The following DYM variants were observed in gnomAD, a reference collection of about 807,000 sequenced individuals.
DYM encodes dyggve-Melchior-Clausen syndrome protein.
A neutral mutation model predicts 93.1 loss-of-function variants in DYM; 78 were observed. That is an observed-to-expected ratio of 0.84 (90% CI 0.70 to 1.01). DYM has a LOEUF of 1.01. DYM is among the 50% of genes least tolerant of loss of function. The probability of loss-of-function intolerance (pLI) is 0.00; values close to 1 mark genes in which losing one functional copy is unlikely to be tolerated. For synonymous variants in DYM, 321 were observed against 319.7 expected, an observed-to-expected ratio of 1.00 and a Z score of -0.04; for missense variants, 789 against 845.0, an observed-to-expected ratio of 0.93 and a Z score of 0.82.
chr18:49,322,074 A>C (rs544676250), intron 8 of DYM, among the ~76,000 whole-genome samples: 100 of 152,286 alleles, frequency 6.6e-4, no homozygotes, highest in Admixed American at 2.1e-3. Context: ...GCTTTCTCAA[A>C]AACAGAAATT....
intron 6 of DYM, among the ~76,000 whole-genome samples, chr18:49,344,042 C>A (rs1481192371): frequency 6.6e-6 from 1 of 151,692 alleles, no homozygotes; most frequent in Admixed American, 6.6e-5. Flanking sequence ...TCATTTGAAA[C>A]AAGACTTACT....
chr18:49,106,832 C>A (rs2080866532), intron 16 of DYM, among the ~76,000 whole-genome samples: 1 of 152,198 alleles, frequency 6.6e-6, no homozygotes, highest in African/African-American at 2.4e-5. Context: ...TCTGGCTGCC[C>A]TTAACATTTT....
intron 5 of DYM, 130 bp downstream of exon 5, chr18:49,378,437 G>T: frequency 1.1e-6 from 1 of 886,382 alleles, no homozygotes; most frequent in Non-Finnish European, 1.7e-6. Flanking sequence ...AAAAATGACA[G>T]TATAAGTTCA....
chr18:49,337,843 G>A (rs867906369), intron 6 of DYM, among the ~76,000 whole-genome samples: 14 of 152,104 alleles, frequency 9.2e-5, no homozygotes, highest in Admixed American at 6.6e-5. Flanking sequence ...TTGAGCAGAC[G>A]AAGAACAAGA....
chr18:49,458,525 A>G (rs528396466), intron 1 of DYM, among the ~76,000 whole-genome samples: 2 of 152,244 alleles, frequency 1.3e-5, no homozygotes, highest in Admixed American at 1.3e-4. Flanking sequence ...TATGTGTGAT[A>G]ATGGTATTCT....
At chr18:49,172,357 C>G (rs2088854785) in intron 14 of DYM, among the ~76,000 whole-genome samples, 3 of 152,182 alleles carry the variant, frequency 2.0e-5, no homozygotes, top group African/African-American at 7.2e-5. Flanking sequence ...TGAATACATA[C>G]CTATGAGTAA....
chr18:49,333,666 C>T, intron 7 of DYM, 62 bp downstream of exon 7: 5 of 1,550,458 alleles, frequency 3.2e-6, no homozygotes, highest in Non-Finnish European at 4.4e-6. Context: ...GGTAAAAGGA[C>T]AAGACTAGAA....
At chr18:49,276,682 T>A (rs978839452) in intron 10 of DYM, among the ~76,000 whole-genome samples, 5 of 152,120 alleles carry the variant, frequency 3.3e-5, no homozygotes, top group Non-Finnish European at 5.9e-5. Context: ...AAATGGAAGC[T>A]GTGGCAAAAT....
intron 8 of DYM, among the ~76,000 whole-genome samples, chr18:49,302,880 AG>A (rs1247770644): frequency 6.6e-6 from 1 of 152,218 alleles, no homozygotes; most frequent in Admixed American, 6.5e-5. Context: ...CCATAAAGGG[AG>A]CCCCTCATCC....
intron 16 of DYM, among the ~76,000 whole-genome samples, chr18:49,111,973 C>T (rs192956444): frequency 2.6e-4 from 40 of 152,274 alleles, no homozygotes; most frequent in African/African-American, 9.1e-4. Flanking sequence ...TAATGGTACT[C>T]TTATAGAACC....
chr18:49,176,542 C>G (rs1373411928), intron 14 of DYM, among the ~76,000 whole-genome samples: 6 of 148,148 alleles, frequency 4.1e-5, no homozygotes, highest in Non-Finnish European at 8.9e-5. Flanking sequence ...TCCTGAATAG[C>G]TGGGACAACA....
chr18:49,125,115 C>G (rs1251514397), intron 15 of DYM, among the ~76,000 whole-genome samples: 2 of 152,062 alleles, frequency 1.3e-5, no homozygotes, highest in Non-Finnish European at 2.9e-5. Flanking sequence ...AAAAAAGTAG[C>G]TGGGTGTGGT....
intron 17 of DYM, among the ~76,000 whole-genome samples, chr18:49,060,590 AAC>A (rs1361425273): frequency 6.9e-6 from 1 of 144,360 alleles, no homozygotes; most frequent in Non-Finnish European, 1.5e-5. Flanking sequence ...CTGAGTGAGG[AAC>A]AGTACCCTCT....
intron 13 of DYM, among the ~76,000 whole-genome samples, chr18:49,214,859 G>C (rs1349854777): frequency 6.6e-6 from 1 of 152,186 alleles, no homozygotes; most frequent in African/African-American, 2.4e-5. Flanking sequence ...CATTTTAGTG[G>C]ATGGGTCTAG....
chr18:49,257,333 A>C (rs2094409235), intron 12 of DYM, among the ~76,000 whole-genome samples: 3 of 152,326 alleles, frequency 2.0e-5, no homozygotes, highest in Non-Finnish European at 2.9e-5. Context: ...TATTCCCTCC[A>C]TGGTGAATAT....
intron 2 of DYM, among the ~76,000 whole-genome samples, chr18:49,429,354 C>T (rs1306665755): frequency 1.3e-5 from 2 of 152,182 alleles, no homozygotes; most frequent in Non-Finnish European, 2.9e-5. Flanking sequence ...AGGACATGGA[C>T]ATCTTTGGGG....
chr18:49,439,562 A>C (rs779571649), intron 1 of DYM, among the ~76,000 whole-genome samples: 3 of 152,226 alleles, frequency 2.0e-5, no homozygotes, highest in African/African-American at 4.8e-5. Context: ...GCTAAAGAGA[A>C]ATTACTCAAA....
rs59079856 is a variant in DYM at position 49,447,060 on chromosome 18, C to CA, written c.-54+13337dup. Among the ~76,000 whole-genome samples the CA allele has an allele frequency of 9.3e-3, 918 of 98,370 alleles. 8 individuals are homozygous for CA. The highest frequency in any genetic ancestry group is 0.025 in the East Asian group (100 of 3,936). 64.5% of individuals were successfully genotyped at this position (98,370 alleles called of 152,430 possible). A position where few individuals can be genotyped will look rare whatever the true frequency, so the allele number is the denominator to read the frequency against. Reference sequence around the variant, plus strand: ...GGCAAGACAGAGGAAGACTCCATCACAAAAAAAAAAAAAAAATGTTAAGAC... The same window carrying CA: ...GGCAAGACAGAGGAAGACTCCATCACAAAAAAAAAAAAAAAAATGTTAAGAC... On this transcript the variant is annotated intron_variant, in intron 1 of 17. Coordinates refer to ENST00000675505, the MANE Select transcript of DYM (RefSeq NM_001353214.3).
chr18:49,444,055 G>T (rs1006281102), intron 1 of DYM, among the ~76,000 whole-genome samples: 1 of 152,204 alleles, frequency 6.6e-6, no homozygotes, highest in African/African-American at 2.4e-5. Context: ...GTAAAAATAT[G>T]TATGAAGCAG....
Sources: gnomAD v4.1 joint callset for allele counts (sites outside exome capture counted in the v4.1 genomes callset) on GRCh38, gnomAD v4.1.1 for gene constraint, MANE v1.5 for transcripts, NCBI Gene and HGNC (gene_info 2026-07-23, HGNC 2026-07-21) for gene names.